Variants in NRDE2 observed in about 807,000 individuals in gnomAD.
NRDE2 encodes nuclear exosome regulator NRDE2.
Under a neutral mutation model 124.2 loss-of-function variants are expected in NRDE2, and 76 were observed. The observed-to-expected ratio is 0.61, with a 90% CI of 0.51 to 0.74. The LOEUF (loss-of-function observed/expected upper bound fraction) is 0.74. Ranked by LOEUF, NRDE2 falls within the 30% of genes least tolerant of loss-of-function variation. NRDE2 has a pLI of 0.00. For missense variants in NRDE2, 1,314 were observed against 1,417.3 expected (o/e 0.93, Z 1.17); for synonymous variants, 489 against 528.1 (o/e 0.93, Z 1.01).
rs1451867003 is a variant in NRDE2 at position 90,277,152 on chromosome 14, G to A, written c.*1184C>T. ...AGCCACCTGTAGCTCAGGGACTGGG[G>A]ACGAGCAGGAGAGGGCAGTAGTGGG... On this transcript the variant is annotated 3_prime_UTR_variant, in exon 14 of 14. Coordinates refer to ENST00000354366, the MANE Select transcript of NRDE2 (RefSeq NM_017970.4). 1 of 152,324 alleles carries A rather than the reference G, an allele frequency of 6.6e-6. No individual in the cohort carries two copies. The highest frequency in any genetic ancestry group is 2.4e-5 in the African/African-American group (1 of 41,460). 9.4% of individuals were successfully genotyped at this position (152,324 alleles called of 1,614,324 possible).
In NRDE2 at chr14:90,269,844, G is replaced by A. The variant is rs923177687; in HGVS notation, c.*8492C>T. On this transcript the variant is annotated 3_prime_UTR_variant, in exon 14 of 14. Coordinates refer to ENST00000354366, the MANE Select transcript of NRDE2 (RefSeq NM_017970.4). ...TCTGGAAGAAATAATTCATGTGATG[G>A]TAGGATTTGTCCTTTTTACATTCAG... The A allele has an allele frequency of 7.6e-6, 3 of 394,190 alleles. No homozygotes were observed. The highest frequency in any genetic ancestry group is 4.1e-5 in the African/African-American group (2 of 48,680). The allele number at this position is 394,190 out of a possible 1,614,324, so 24.4% of individuals were successfully genotyped here.
At chr14:90,327,353 C>T (rs1462516622) in intron 1 of NRDE2, among the ~76,000 whole-genome samples, 4 of 152,094 alleles carry the variant, frequency 2.6e-5, no homozygotes, top group African/African-American at 9.7e-5. Context: ...AGTTCAAGAT[C>T]AGCTTGACCA....
intron 8 of NRDE2, among the ~76,000 whole-genome samples, chr14:90,297,074 G>A (rs1396785366): frequency 1.3e-5 from 2 of 151,304 alleles, no homozygotes; most frequent in South Asian, 2.1e-4. Flanking sequence ...GGGAGGCGGA[G>A]GTTGCAGTGA....
chr14:90,316,750 T>C lies in NRDE2; in HGVS notation c.235A>G (p.Ser79Gly). 1 of 1,613,412 alleles carries C rather than the reference T, an allele frequency of 6.2e-7. No individual in the cohort carries two copies. Among genetic ancestry groups the C allele is most frequent in the East Asian group, 2.2e-5 (1 of 44,888 alleles). The stretch of plus-strand genomic sequence containing the variant: ...TTTTTCTCTTTCTTCTTTTTTCTAC[T>C]TGTTTGTTTGAGCTTTTTGTTAGTG... Reference protein sequence around the residue: ...SDTNKKLKQTSRKKKKEKKKK... With the variant: ...SDTNKKLKQTGRKKKKEKKKK... Residue 79 changes from serine (S) to glycine (G), a missense_variant, in exon 3 of 14, where the codon AGT becomes GGT. Ser to Gly is a moderately conservative substitution (Grantham distance 56, BLOSUM62 0). Transcript: ENST00000354366.
At chr14:90,329,835 CAAA>C (rs1173430522) in intron 1 of NRDE2, among the ~76,000 whole-genome samples, 2 of 56,124 alleles carry the variant, frequency 3.6e-5, no homozygotes, top group Non-Finnish European at 3.7e-5. Flanking sequence ...GAGACTGCCT[CAAA>C]AAAAAAAAAA....
chr14:90,282,460 TAAGA>T (rs897277557), intron 12 of NRDE2, among the ~76,000 whole-genome samples: 1 of 145,292 alleles, frequency 6.9e-6, no homozygotes, highest in African/African-American at 2.6e-5. Flanking sequence ...GCCTGGGCAA[TAAGA>T]AAGACCCTAT....
At chr14:90,294,483 A>G (rs1892355882) in intron 8 of NRDE2, among the ~76,000 whole-genome samples, 1 of 152,206 alleles carries the variant, frequency 6.6e-6, no homozygotes, top group African/African-American at 2.4e-5. Context: ...GATGGTATAC[A>G]CACATAGTGG....
Position 90,274,020 on chromosome 14 carries a change from A to G in NRDE2, c.*4316T>C, listed in dbSNP as rs934591036. 6.5e-6 allele frequency: 1 copy of G among 154,896 alleles called. No individual in the cohort carries two copies. The highest frequency in any genetic ancestry group is 2.4e-5 in the African/African-American group (1 of 41,526). 9.6% of individuals were successfully genotyped at this position (154,896 alleles called of 1,614,324 possible). ...ATCTGCAAAGTTCCTTTTGCCATGT[A>G]ACATTCACACGTTCCAGGGCTTAGG... On this transcript the variant is annotated 3_prime_UTR_variant, in exon 14 of 14. Transcript: ENST00000354366.
At position 90,330,477 on chromosome 14, in the gene NRDE2, G is replaced by A. The variant is rs80319423; in HGVS notation, c.64+1364C>T. 2.2e-3 allele frequency among the ~76,000 whole-genome samples: 331 copies of A among 152,268 alleles called. 2 individuals carry two copies. Among genetic ancestry groups the A allele is most frequent in the African/African-American group, 7.5e-3 (312 of 41,554 alleles). On this transcript the variant is annotated intron_variant, in intron 1 of 13. Transcript: ENST00000354366. ...CCAACCTGATAGAGATTACAGTCTA[G>A]TAAGGGAAGACAACAATTTTACACA...
At position 90,270,798 on chromosome 14, in the gene NRDE2, T is replaced by A. The variant is rs1393016331; in HGVS notation, c.*7538A>T. ...TGGTTTTATGACAAATGTACATGAG[T>A]TAGGACATTTCCTCCCAGCTGACCA... is the stretch of plus-strand genomic sequence containing the variant. On this transcript the variant is annotated 3_prime_UTR_variant, in exon 14 of 14. Coordinates refer to ENST00000354366, the MANE Select transcript of NRDE2 (RefSeq NM_017970.4). The A allele has an allele frequency of 6.5e-6, 1 of 152,966 alleles. No individual in the cohort carries two copies. Among genetic ancestry groups the A allele is most frequent in the Non-Finnish European group, 1.5e-5 (1 of 68,556 alleles). 9.5% of individuals were successfully genotyped at this position (152,966 alleles called of 1,614,324 possible).
Position 90,288,331 on chromosome 14 carries a change from C to T in NRDE2, c.3044G>A (p.Ser1015Asn). 1 of 1,614,234 alleles carries T rather than the reference C, an allele frequency of 6.2e-7. No individual in the cohort carries two copies. Among genetic ancestry groups the T allele is most frequent in the Non-Finnish European group, 8.5e-7 (1 of 1,180,038 alleles). ...VQIQNKSHSA[S>N]KTRRFFDTIT... is the part of the protein sequence containing the mutation. ...TGTGTCAAAAAATCTCCTGGTTTTG[C>T]TGGCACTGTGGGACTTATTCTGAAT... The change falls in exon 11 of 14, where the codon AGC becomes AAC. Residue 1015 changes from serine to asparagine, a missense_variant. Coordinates refer to ENST00000354366, the MANE Select transcript of NRDE2 (RefSeq NM_017970.4).
At chr14:90,301,748 GT>G (rs1268791418) in intron 6 of NRDE2, 2 of 456,722 alleles carry the variant, frequency 4.4e-6, no homozygotes, top group Non-Finnish European at 8.8e-6. Flanking sequence ...GCTGTATTCA[GT>G]TGATCACTAG....
chr14:90,316,888 A>G (rs1023721204), intron 2 of NRDE2, 77 bp from the exon 3 acceptor site: 61 of 936,550 alleles, frequency 6.5e-5, no homozygotes, highest in Non-Finnish European at 9.0e-5. Flanking sequence ...TAAGTCAACA[A>G]ATATTTAAGA....
chr14:90,310,777 G>A (rs1385040685), intron 4 of NRDE2, among the ~76,000 whole-genome samples: 1 of 152,074 alleles, frequency 6.6e-6, no homozygotes, highest in Non-Finnish European at 1.5e-5. Flanking sequence ...GTGCTGGGAT[G>A]ACAGGCGTGA....
At chr14:90,327,230 G>A (rs1566704060) in intron 1 of NRDE2, among the ~76,000 whole-genome samples, 2 of 152,210 alleles carry the variant, frequency 1.3e-5, no homozygotes, top group African/African-American at 4.8e-5. Context: ...TCTTAGGACA[G>A]AAAGCAAGAA....
intron 1 of NRDE2, among the ~76,000 whole-genome samples, chr14:90,328,060 G>A (rs535018601): frequency 1.3e-5 from 2 of 151,280 alleles, no homozygotes; most frequent in South Asian, 2.1e-4. Context: ...GGAAAATGGC[G>A]TGAACCCGGG....
At position 90,275,287 on chromosome 14, in the gene NRDE2, A is replaced by G. The variant is rs1891778789; in HGVS notation, c.*3049T>C. On this transcript the variant is annotated 3_prime_UTR_variant, in exon 14 of 14. Transcript: ENST00000354366. ...AGGACCTGCTAGGAGTACTGCGTCC[A>G]TGCTGACTTCCTGTTCAGTGTCTGT... 6.6e-6 allele frequency: 1 copy of G among 152,096 alleles called. No individual in the cohort carries two copies. Among genetic ancestry groups the G allele is most frequent in the Non-Finnish European group, 1.5e-5 (1 of 68,048 alleles). The allele number at this position is 152,096 out of a possible 1,614,324, so 9.4% of individuals were successfully genotyped here.
intron 4 of NRDE2, 66 bp downstream of exon 4, chr14:90,312,328 A>C: frequency 6.6e-7 from 1 of 1,511,396 alleles, no homozygotes; most frequent in Non-Finnish European, 9.1e-7. Context: ...GACAGTGCCA[A>C]GAGAGTTCCG....
chr14:90,278,272 G>T lies in NRDE2; in HGVS notation c.*64C>A. On this transcript the variant is annotated 3_prime_UTR_variant, in exon 14 of 14. Coordinates refer to ENST00000354366, the MANE Select transcript of NRDE2 (RefSeq NM_017970.4). ...CCTAACACACACGTTCTCTGCTCGCGCCTCCTAGCTCCGCAGGGTGGGCAA... is the reference window on the plus strand; with the variant it reads ...CCTAACACACACGTTCTCTGCTCGCTCCTCCTAGCTCCGCAGGGTGGGCAA... The T allele has an allele frequency of 1.5e-5, 24 of 1,597,808 alleles. No homozygotes were observed. Among genetic ancestry groups the T allele is most frequent in the Non-Finnish European group, 2.0e-5 (23 of 1,166,964 alleles).
Sources: allele counts gnomAD v4.1 joint callset (sites outside exome capture counted in the v4.1 genomes callset), GRCh38; gene constraint gnomAD v4.1.1; transcripts MANE v1.5; gene names NCBI Gene and HGNC (gene_info 2026-07-23, HGNC 2026-07-21).